SCOC: variants seen among roughly 807,000 people sequenced by gnomAD.
SCOC encodes the protein short coiled-coil protein, also known as short coiled coil protein.
A neutral mutation model predicts 9.9 loss-of-function variants in SCOC; 7 were observed. The observed-to-expected ratio is 0.71, with a 90% CI of 0.40 to 1.33. The LOEUF is 1.33. SCOC is among the 40% of genes most tolerant of loss of function. SCOC has a pLI of 0.01. For synonymous variants in SCOC, 19 were observed against 28.2 expected (o/e 0.67, Z 1.03); for missense variants, 66 against 89.7 (o/e 0.74, Z 1.07).
At chr4:140,278,389 T>C (rs1731031040) in intron 1 of SCOC, among the ~76,000 whole-genome samples, 1 of 151,904 alleles carries the variant, frequency 6.6e-6, no homozygotes, top group Admixed American at 6.6e-5. Flanking sequence ...GAGCTCGGCC[T>C]CCTGGGTTCA....
chr4:140,285,492 C>A (rs1731240239), intron 1 of SCOC, among the ~76,000 whole-genome samples: 1 of 152,172 alleles, frequency 6.6e-6, no homozygotes, highest in Non-Finnish European at 1.5e-5. Flanking sequence ...ACAGAGCTGG[C>A]AGGACAGGAG....
intron 1 of SCOC, among the ~76,000 whole-genome samples, chr4:140,296,219 G>A (rs1208917628): frequency 6.6e-6 from 1 of 152,048 alleles, no homozygotes; most frequent in Non-Finnish European, 1.5e-5. Flanking sequence ...GCCCCCACTG[G>A]CATTAATATT....
At chr4:140,324,648 A>G (rs1193837559) in intron 1 of SCOC, among the ~76,000 whole-genome samples, 2 of 152,154 alleles carry the variant, frequency 1.3e-5, no homozygotes, top group Non-Finnish European at 2.9e-5. Context: ...CATGGTCTAT[A>G]TGTTGAAAAT....
intron 2 of SCOC, among the ~76,000 whole-genome samples, chr4:140,367,873 A>G (rs1376790788): frequency 6.6e-6 from 1 of 152,218 alleles, no homozygotes; most frequent in Non-Finnish European, 1.5e-5. Flanking sequence ...GGATGGTCAG[A>G]CACAATCTTA....
At chr4:140,306,071 AC>A (rs1731972380) in intron 1 of SCOC, among the ~76,000 whole-genome samples, 1 of 152,226 alleles carries the variant, frequency 6.6e-6, no homozygotes. Context: ...ATAAAGACAT[AC>A]CTAAGGCTGG....
Position 140,334,253 on chromosome 4 carries a change from T to C in SCOC, c.-18-9368T>C, listed in dbSNP as rs182964133. Among the ~76,000 whole-genome samples the C allele has an allele frequency of 2.4e-4, 36 of 152,330 alleles. No individual in the cohort carries two copies. In the South Asian group the frequency reaches 7.5e-3, roughly 32 times the overall value. ...TCTGCCTACCTAAATAAGCATATTA[T>C]GAATGTCATGCTTCATTATTGCTGA... On this transcript the variant is annotated intron_variant, in intron 1 of 4. Coordinates refer to the SCOC transcript ENST00000394205.
At chr4:140,320,668 G>A (rs1732474785) in intron 1 of SCOC, among the ~76,000 whole-genome samples, 2 of 152,154 alleles carry the variant, frequency 1.3e-5, no homozygotes, top group Non-Finnish European at 2.9e-5. Flanking sequence ...ATGCTGGCTG[G>A]AGAAGGGGAA....
chr4:140,324,669 A>G (rs1235240660), intron 1 of SCOC, among the ~76,000 whole-genome samples: 1 of 152,142 alleles, frequency 6.6e-6, no homozygotes, highest in Admixed American at 6.6e-5. Context: ...GACACTGATG[A>G]AAGGTATTAA....
intron 2 of SCOC, among the ~76,000 whole-genome samples, chr4:140,348,573 T>TACACACACAC (rs1377747725): frequency 0.011 from 373 of 34,752 alleles, no homozygotes; most frequent in African/African-American, 0.025. Flanking sequence ...TATGTATATA[T>TACACACACAC]ATACGCACAC....
intron 1 of SCOC, among the ~76,000 whole-genome samples, chr4:140,330,107 T>C (rs1343329164): frequency 1.3e-5 from 2 of 152,172 alleles, no homozygotes; most frequent in Non-Finnish European, 2.9e-5. Flanking sequence ...TGTATATATA[T>C]ACCATTTACT....
intron 2 of SCOC, among the ~76,000 whole-genome samples, chr4:140,348,240 A>G (rs1726826140): frequency 6.6e-6 from 1 of 152,196 alleles, no homozygotes; most frequent in African/African-American, 2.4e-5. Flanking sequence ...CGTGATGTAC[A>G]AAAGATCTCT....
At chr4:140,364,960 C>T (rs59302229) in intron 2 of SCOC, among the ~76,000 whole-genome samples, 1,526 of 152,058 alleles carry the variant, frequency 0.01, 24 homozygotes, top group African/African-American at 0.035. Flanking sequence ...ACTGTCAATG[C>T]CATGGAAGAG....
chr4:140,332,241 C>T (rs1235368940), intron 1 of SCOC, among the ~76,000 whole-genome samples: 5 of 151,850 alleles, frequency 3.3e-5, no homozygotes, highest in South Asian at 2.1e-4. Context: ...GCATCTCATA[C>T]GAGACATGCC....
chr4:140,340,433 G>T (rs1253907320), upstream of SCOC, among the ~76,000 whole-genome samples: 1 of 151,620 alleles, frequency 6.6e-6, no homozygotes, highest in Admixed American at 6.6e-5. Context: ...CCTGCACGTG[G>T]TACACATGTA....
chr4:140,296,723 T>C (rs1402133931), intron 1 of SCOC, among the ~76,000 whole-genome samples: 2 of 151,964 alleles, frequency 1.3e-5, no homozygotes, highest in Non-Finnish European at 2.9e-5. Flanking sequence ...GTAGCTGATG[T>C]CAACACTGAT....
At chr4:140,348,617 G>A (rs541821470) in intron 2 of SCOC, among the ~76,000 whole-genome samples, 2 of 151,224 alleles carry the variant, frequency 1.3e-5, no homozygotes, top group East Asian at 1.9e-4. Context: ...TTCATCTGTC[G>A]ACAGACATTT....
chr4:140,284,608 G>A (rs1282831428), intron 1 of SCOC: 1 of 152,288 alleles, frequency 6.6e-6, no homozygotes, highest in African/African-American at 2.4e-5. Flanking sequence ...TGGAGAGGGT[G>A]GTGCAGAGCT....
intron 1 of SCOC, among the ~76,000 whole-genome samples, chr4:140,337,679 G>A (rs1732994915): frequency 6.6e-6 from 1 of 152,154 alleles, no homozygotes; most frequent in South Asian, 2.1e-4. Context: ...ACACCTCTAT[G>A]CAAATAAACT....
intron 1 of SCOC, among the ~76,000 whole-genome samples, chr4:140,289,592 C>A (rs1477509272): frequency 6.6e-6 from 1 of 152,178 alleles, no homozygotes; most frequent in Non-Finnish European, 1.5e-5. Context: ...GGTACCCATA[C>A]CTGTGAACTG....
Sources: allele counts gnomAD v4.1 joint callset (sites outside exome capture counted in the v4.1 genomes callset), GRCh38; gene constraint gnomAD v4.1.1; transcripts MANE v1.5; gene names NCBI Gene and HGNC (gene_info 2026-07-23, HGNC 2026-07-21).